Variants in ADGRA3 observed in about 807,000 individuals in gnomAD.
The protein encoded by ADGRA3 is G-protein coupled receptor 125.
Under a neutral mutation model 119.8 loss-of-function variants are expected in ADGRA3, and 56 were observed. The ratio of observed to expected loss-of-function variants is 0.47; its 90% CI spans 0.38 to 0.58. The LOEUF (loss-of-function observed/expected upper bound fraction) is 0.58, where lower values mean the gene tolerates loss of function less well. Among genes scored for constraint, ADGRA3 ranks in the 20% least tolerant of loss-of-function variants. The pLI is 0.00. For synonymous variants in ADGRA3, 607 were observed against 623.8 expected, an observed-to-expected ratio of 0.97 and a Z score of 0.40; for missense variants, 1,516 against 1,649.0, an observed-to-expected ratio of 0.92 and a Z score of 1.40.
chr4:22,472,418 A>T (rs1442098775), intron 2 of ADGRA3, among the ~76,000 whole-genome samples: 1 of 152,224 alleles, frequency 6.6e-6, no homozygotes, highest in Non-Finnish European at 1.5e-5. Context: ...GCAGGCCTAA[A>T]GCCAAGGGTG....
chr4:22,486,763 T>C (rs1425801035), intron 1 of ADGRA3, among the ~76,000 whole-genome samples: 3 of 152,180 alleles, frequency 2.0e-5, no homozygotes, highest in Non-Finnish European at 2.9e-5. Context: ...GAATACAAAA[T>C]ACTAGAATTT....
chr4:22,479,155 T>A (rs975232506), intron 1 of ADGRA3, among the ~76,000 whole-genome samples: 1 of 152,096 alleles, frequency 6.6e-6, no homozygotes, highest in African/African-American at 2.4e-5. Flanking sequence ...TCACACCAGT[T>A]AGAATGGTGA....
intron 4 of ADGRA3, among the ~76,000 whole-genome samples, chr4:22,450,765 A>G (rs1717006161): frequency 6.6e-6 from 1 of 152,036 alleles, no homozygotes; most frequent in South Asian, 2.1e-4. Context: ...CTAAGTTACA[A>G]TCTGTTCTAT....
intron 1 of ADGRA3, among the ~76,000 whole-genome samples, chr4:22,503,275 T>C (rs908941819): frequency 3.9e-5 from 6 of 152,182 alleles, no homozygotes; most frequent in Non-Finnish European, 1.5e-5. Context: ...ATAAATCTAA[T>C]AGAAAGTTTA....
intron 6 of ADGRA3, chr4:22,443,136 G>T (rs1019477351): frequency 2.7e-5 from 18 of 665,066 alleles, no homozygotes; most frequent in Non-Finnish European, 4.5e-5. Context: ...TTACAGAAAT[G>T]AACTAAAAGA....
In ADGRA3 at chr4:22,388,505, C is replaced by G. The variant is rs909558515; in HGVS notation, c.3166G>C (p.Ala1056Pro). Reference sequence around the variant, plus strand: ...CCTGGGCAGCAAGTCATGATCCACGCAAGTCTAACATCCTCCCTATTAACA... The same window carrying G: ...CCTGGGCAGCAAGTCATGATCCACGGAAGTCTAACATCCTCCCTATTAACA... ...HCVNREDVRLAWIMTCCPGRS... is the reference protein window; with the variant it reads ...HCVNREDVRLPWIMTCCPGRS... The change falls in exon 19 of 19, where the codon GCG (alanine) becomes CCG (proline). Residue 1056 changes from alanine to proline, a missense_variant. Physicochemically the swap from Ala to Pro is conservative, Grantham distance 27 (BLOSUM62 -1). This residue lies in a region of ADGRA3 where 1,088 missense variants were observed against 1,107.1 expected (regional missense o/e 0.98). Transcript: ENST00000334304. 3 of 1,613,940 alleles carry G rather than the reference C, an allele frequency of 1.9e-6. No homozygotes were observed. The highest frequency in any genetic ancestry group is 3.3e-5 in the Admixed American group (2 of 59,994).
chr4:22,395,821 T>G (rs1196545958), intron 16 of ADGRA3, among the ~76,000 whole-genome samples: 1 of 152,220 alleles, frequency 6.6e-6, no homozygotes, highest in Non-Finnish European at 1.5e-5. Context: ...CTAGGGTTAA[T>G]ATGAAGGTTA....
At chr4:22,503,950 C>G (rs928148063) in intron 1 of ADGRA3, among the ~76,000 whole-genome samples, 1 of 152,026 alleles carries the variant, frequency 6.6e-6, no homozygotes, top group Non-Finnish European at 1.5e-5. Flanking sequence ...ACATGAGGGG[C>G]GCAGCACTTT....
At chr4:22,410,364 A>G (rs772296328) in intron 14 of ADGRA3, among the ~76,000 whole-genome samples, 1 of 152,172 alleles carries the variant, frequency 6.6e-6, no homozygotes, top group African/African-American at 2.4e-5. Flanking sequence ...ATTCCAGATC[A>G]TATCATTCAA....
At chr4:22,435,214 T>C (rs2109059836) in intron 10 of ADGRA3, 97 bp downstream of exon 10, 3 of 1,015,790 alleles carry the variant, frequency 3.0e-6, no homozygotes, top group Admixed American at 4.2e-5. Flanking sequence ...AGCTCAAATA[T>C]GATAAACATA....
chr4:22,493,774 C>A (rs989373870), intron 1 of ADGRA3, among the ~76,000 whole-genome samples: 1 of 152,140 alleles, frequency 6.6e-6, no homozygotes, highest in African/African-American at 2.4e-5. Flanking sequence ...GGGCTGCATT[C>A]CCAAACAGTT....
In ADGRA3 at chr4:22,424,253, C is replaced by T. The variant is rs778158742; in HGVS notation, c.1543G>A (p.Val515Met). 1.2e-6 allele frequency: 2 copies of T among 1,613,622 alleles called. No individual in the cohort carries two copies. Among genetic ancestry groups the T allele is most frequent in the South Asian group, 2.2e-5 (2 of 91,048 alleles). The change falls in exon 11 of 19, where the codon GTG becomes ATG. Residue 515 changes from valine (V) to methionine (M), a missense_variant. Coordinates refer to ENST00000334304, the MANE Select transcript of ADGRA3 (RefSeq NM_145290.4). ...GTAGCAATGCGCTGAAGACACTGCA[C>T]AATCCTACTGCAGGCTTTAGCTTCC... Reference protein sequence around the residue: ...QREAKACSRIVQCLQRIATYR... With the variant: ...QREAKACSRIMQCLQRIATYR...
At chr4:22,425,800 AC>A (rs1221958248) in intron 10 of ADGRA3, among the ~76,000 whole-genome samples, 2 of 152,082 alleles carry the variant, frequency 1.3e-5, no homozygotes, top group African/African-American at 4.8e-5. Context: ...AGTCCATCCC[AC>A]CCTGGTTCAC....
At chr4:22,435,254 C>T (rs1716346362) in intron 10 of ADGRA3, 57 bp downstream of exon 10, 1 of 1,382,702 alleles carries the variant, frequency 7.2e-7, no homozygotes, top group Admixed American at 1.7e-5. Context: ...AGATTGAACT[C>T]TGTCACACTA....
chr4:22,425,767 T>C (rs1352794797), intron 10 of ADGRA3, among the ~76,000 whole-genome samples: 2 of 152,202 alleles, frequency 1.3e-5, no homozygotes, highest in African/African-American at 4.8e-5. Context: ...TTATGGGGGC[T>C]GAAGAGGGTT....
intron 1 of ADGRA3, chr4:22,478,322 T>C (rs965750824): frequency 3.9e-5 from 6 of 152,332 alleles, no homozygotes; most frequent in African/African-American, 1.4e-4. Flanking sequence ...AAAAATTAAG[T>C]AGTTTTAGAA....
At chr4:22,482,656 C>A (rs75417553) in intron 1 of ADGRA3, among the ~76,000 whole-genome samples, 12,080 of 152,120 alleles carry the variant, frequency 0.079, 605 homozygotes, top group Admixed American at 0.11. Context: ...CAGAGGAAGA[C>A]CCTGTCTCAA....
At chr4:22,460,108 G>A (rs1717390115) in intron 3 of ADGRA3, among the ~76,000 whole-genome samples, 1 of 152,158 alleles carries the variant, frequency 6.6e-6, no homozygotes, top group Admixed American at 6.5e-5. Flanking sequence ...TTCCTTGGGA[G>A]AAAGTTCAAA....
chr4:22,479,416 T>A (rs1577373356), intron 1 of ADGRA3, among the ~76,000 whole-genome samples: 2 of 149,910 alleles, frequency 1.3e-5, no homozygotes, highest in South Asian at 2.1e-4. Flanking sequence ...TGAGCCGAGA[T>A]CACGCCACTG....
Sources: allele counts gnomAD v4.1 joint callset (sites outside exome capture counted in the v4.1 genomes callset), GRCh38; gene constraint gnomAD v4.1.1; regional missense constraint gnomAD v4.1.1; transcripts MANE v1.5; gene names NCBI Gene and HGNC (gene_info 2026-07-23, HGNC 2026-07-21).